The following NRG1 variants were observed in gnomAD, a reference collection of about 807,000 sequenced individuals.
The protein encoded by NRG1 is pro-neuregulin-1, membrane-bound isoform.
NRG1 carries 18 observed loss-of-function variants against 63.8 expected under a neutral mutation model. The ratio of observed to expected loss-of-function variants is 0.28; its 90% CI spans 0.19 to 0.42. The LOEUF (loss-of-function observed/expected upper bound fraction) is 0.42, where lower values mean the gene tolerates loss of function less well. Ranked by LOEUF, NRG1 falls within the 10% of genes least tolerant of loss-of-function variation. The pLI is 1.00. For missense variants in NRG1, 762 were observed against 814.7 expected, an observed-to-expected ratio of 0.94 and a Z score of 0.79; for synonymous variants, 302 against 301.3, an observed-to-expected ratio of 1.00 and a Z score of -0.02.
intron 5 of NRG1, among the ~76,000 whole-genome samples, chr8:32,662,672 A>G (rs1307366324): frequency 1.3e-5 from 2 of 152,190 alleles, no homozygotes; most frequent in Admixed American, 6.6e-5. Flanking sequence ...TTATTGGATT[A>G]TTAGATTCTG....
At chr8:31,742,175 C>G (rs188540368) in intron 1 of NRG1, among the ~76,000 whole-genome samples, 3 of 151,752 alleles carry the variant, frequency 2.0e-5, no homozygotes, top group Admixed American at 6.6e-5. Flanking sequence ...GAAATGCATT[C>G]ATATATGGTA....
At chr8:32,052,893 G>A (rs1822218994) in intron 1 of NRG1, among the ~76,000 whole-genome samples, 1 of 152,120 alleles carries the variant, frequency 6.6e-6, no homozygotes. Context: ...TGTTGAATGT[G>A]GAGAAGGTGA....
intron 1 of NRG1, among the ~76,000 whole-genome samples, chr8:32,020,466 A>G (rs540418545): frequency 1.2e-4 from 19 of 152,026 alleles, no homozygotes; most frequent in Middle Eastern, 3.4e-3. Context: ...TGTACATTTT[A>G]TTTCCTTTCC....
At chr8:31,860,930 C>T (rs1012440309) in intron 1 of NRG1, among the ~76,000 whole-genome samples, 13 of 152,104 alleles carry the variant, frequency 8.5e-5, no homozygotes, top group African/African-American at 3.1e-4. Flanking sequence ...AACATTGTTC[C>T]CTGTTTTTCA....
At chr8:32,120,982 G>C (rs1363404032) in intron 1 of NRG1, among the ~76,000 whole-genome samples, 1 of 152,096 alleles carries the variant, frequency 6.6e-6, no homozygotes, top group East Asian at 1.9e-4. Context: ...CACTTCGCCT[G>C]CTGAGATTTG....
intron 1 of NRG1, among the ~76,000 whole-genome samples, chr8:32,535,702 T>C (rs1356286165): frequency 6.6e-6 from 1 of 152,188 alleles, no homozygotes; most frequent in Non-Finnish European, 1.5e-5. Flanking sequence ...TTGTGAATTT[T>C]TTCCAATTGC....
intron 1 of NRG1, among the ~76,000 whole-genome samples, chr8:31,948,879 G>A (rs2129622580): frequency 6.6e-6 from 1 of 152,264 alleles, no homozygotes; most frequent in East Asian, 1.9e-4. Flanking sequence ...AGTCTTGAGA[G>A]GACTTGGCCT....
At chr8:32,376,999 T>C (rs1383995734) in intron 1 of NRG1, among the ~76,000 whole-genome samples, 2 of 152,240 alleles carry the variant, frequency 1.3e-5, no homozygotes, top group African/African-American at 2.4e-5. Context: ...ACTGATGTAA[T>C]GGACAATGCC....
At chr8:32,397,253 T>A (rs1481059837) in intron 1 of NRG1, among the ~76,000 whole-genome samples, 1 of 152,208 alleles carries the variant, frequency 6.6e-6, no homozygotes, top group African/African-American at 2.4e-5. Flanking sequence ...TGGATCCCTG[T>A]TACTCTATCT....
chr8:32,344,386 T>TTCTTCC (rs1804540826), intron 1 of NRG1, among the ~76,000 whole-genome samples: 1 of 101,478 alleles, frequency 9.9e-6, no homozygotes, highest in Non-Finnish European at 2.1e-5. Context: ...TTCTTTCTCT[T>TTCTTCC]TCTTTCTTTT....
At chr8:32,263,487 A>G (rs1850600641) in intron 1 of NRG1, among the ~76,000 whole-genome samples, 1 of 152,044 alleles carries the variant, frequency 6.6e-6, no homozygotes, top group Non-Finnish European at 1.5e-5. Flanking sequence ...TCCTGCTCCC[A>G]TTGTCAGACC....
At chr8:31,756,370 G>A (rs1816965521) in intron 1 of NRG1, among the ~76,000 whole-genome samples, 1 of 152,086 alleles carries the variant, frequency 6.6e-6, no homozygotes, top group African/African-American at 2.4e-5. Context: ...AAAGGAGGAA[G>A]GGGTACAGCT....
chr8:32,602,278 C>G (rs1048149245), intron 2 of NRG1, among the ~76,000 whole-genome samples: 1 of 151,968 alleles, frequency 6.6e-6, no homozygotes, highest in African/African-American at 2.4e-5. Flanking sequence ...TCTTTTAAAG[C>G]CTAACATTTG....
intron 1 of NRG1, among the ~76,000 whole-genome samples, chr8:31,801,045 C>A (rs1320019735): frequency 6.6e-6 from 1 of 151,280 alleles, no homozygotes; most frequent in African/African-American, 2.4e-5. Flanking sequence ...GACGGGGTTT[C>A]ACCGTGTTAG....
At chr8:32,108,813 C>T (rs977130951) in intron 1 of NRG1, among the ~76,000 whole-genome samples, 2 of 151,950 alleles carry the variant, frequency 1.3e-5, no homozygotes, top group Admixed American at 6.6e-5. Flanking sequence ...ATAATACTAC[C>T]CAAAAGCCCT....
At chr8:32,554,901 A>AGACT (rs150386926) in intron 1 of NRG1, among the ~76,000 whole-genome samples, 58,273 of 149,050 alleles carry the variant, frequency 0.39, 12,388 homozygotes, top group Admixed American at 0.49. Context: ...TATTCCCCAA[A>AGACT]GACTGCTTTT....
chr8:31,654,259 GCTGAGTATAT>G (rs956144960), intron 1 of NRG1, among the ~76,000 whole-genome samples: 1 of 152,182 alleles, frequency 6.6e-6, no homozygotes, highest in Non-Finnish European at 1.5e-5. Context: ...TTTGTGATTA[GCTGAGTATAT>G]GGTTGTGCTC....
chr8:31,797,531 C>T (rs534890572), intron 1 of NRG1, among the ~76,000 whole-genome samples: 1 of 152,160 alleles, frequency 6.6e-6, no homozygotes, highest in African/African-American at 2.4e-5. Context: ...ATTAGTGCAG[C>T]CATTATGGAA....
At chr8:32,331,062 G>A (rs1225014956) in intron 1 of NRG1, among the ~76,000 whole-genome samples, 1 of 151,920 alleles carries the variant, frequency 6.6e-6, no homozygotes, top group African/African-American at 2.4e-5. Context: ...TGAACACCCT[G>A]TGACAATTCC....
Sources: gnomAD v4.1 joint callset for allele counts (sites outside exome capture counted in the v4.1 genomes callset) on GRCh38, gnomAD v4.1.1 for gene constraint, MANE v1.5 for transcripts, NCBI Gene and HGNC (gene_info 2026-07-23, HGNC 2026-07-21) for gene names.